Variants in TMEM132D observed in about 807,000 individuals in gnomAD.
TMEM132D encodes the protein mature OL transmembrane protein.
TMEM132D carries 21 observed loss-of-function variants against 62.3 expected under a neutral mutation model. The ratio of observed to expected loss-of-function variants is 0.34; its 90% CI spans 0.24 to 0.49. The LOEUF (loss-of-function observed/expected upper bound fraction) is 0.49. TMEM132D is among the 20% of genes least tolerant of loss of function. The probability of loss-of-function intolerance (pLI) is 0.99; values close to 1 mark genes in which losing one functional copy is unlikely to be tolerated. For missense variants in TMEM132D, 1,346 were observed against 1,402.8 expected (o/e 0.96, Z 0.65); for synonymous variants, 621 against 575.6 (o/e 1.08, Z -1.13).
intron 2 of TMEM132D, among the ~76,000 whole-genome samples, chr12:129,581,169 T>C (rs1252532916): frequency 6.6e-6 from 1 of 152,288 alleles, no homozygotes; most frequent in Non-Finnish European, 1.5e-5. Context: ...TTTCTCTTGC[T>C]TCCTCTCTTG....
At chr12:129,895,967 T>G (rs920937813) in intron 1 of TMEM132D, among the ~76,000 whole-genome samples, 2 of 148,716 alleles carry the variant, frequency 1.3e-5, no homozygotes, top group African/African-American at 4.9e-5. Flanking sequence ...GTCTCTCTTT[T>G]TTTTTTTTTT....
intron 4 of TMEM132D, among the ~76,000 whole-genome samples, chr12:129,233,301 GAATGA>G: frequency 6.6e-6 from 1 of 152,304 alleles, no homozygotes; most frequent in East Asian, 1.9e-4. Context: ...TTGAGTGAAT[GAATGA>G]ATGAATGAAT....
rs774135505 is a variant in TMEM132D, at chr12:129,747,204, T to TCCC, written c.80-46507_80-46506insGGG. On this transcript the variant is annotated intron_variant, in intron 1 of 8. Transcript: ENST00000422113. ...TCCTTCTCCCTCCTCCCTCTCCTTCTTACTCCTCCTTCCAGCCACCCTGTC... is the reference window on the plus strand; with the variant it reads ...TCCTTCTCCCTCCTCCCTCTCCTTCTCCCTACTCCTCCTTCCAGCCACCCTGTC... 9.1e-3 allele frequency among the ~76,000 whole-genome samples: 891 copies of TCCC among 97,968 alleles called. 3 individuals are homozygous for TCCC. The highest frequency in any genetic ancestry group is 0.021 in the South Asian group (48 of 2,278). 64.3% of individuals were successfully genotyped at this position (97,968 alleles called of 152,430 possible). A position where few individuals can be genotyped will look rare whatever the true frequency, so the allele number is the denominator to read the frequency against.
chr12:129,416,628 G>A (rs1593371153), intron 3 of TMEM132D, among the ~76,000 whole-genome samples: 2 of 152,286 alleles, frequency 1.3e-5, no homozygotes, highest in South Asian at 2.1e-4. Context: ...CTTGTCTTGT[G>A]CCGGTTTTCA....
At chr12:129,610,959 A>G (rs1878759849) in intron 2 of TMEM132D, among the ~76,000 whole-genome samples, 1 of 152,202 alleles carries the variant, frequency 6.6e-6, no homozygotes, top group Admixed American at 6.5e-5. Context: ...GGAAGCGTGC[A>G]TTCACCTAGA....
chr12:129,610,843 T>C (rs896551461), intron 2 of TMEM132D, among the ~76,000 whole-genome samples: 7 of 152,194 alleles, frequency 4.6e-5, no homozygotes, highest in Non-Finnish European at 8.8e-5. Context: ...TCGCAGGGAT[T>C]TACAGGGCAA....
chr12:129,259,160 C>T (rs527279277), intron 4 of TMEM132D, among the ~76,000 whole-genome samples: 32 of 152,274 alleles, frequency 2.1e-4, no homozygotes, highest in Non-Finnish European at 4.0e-4. Context: ...GGCTCCTGAA[C>T]ATTGCGAGTC....
chr12:129,386,018 CTGA>C (rs1871096847), intron 3 of TMEM132D, among the ~76,000 whole-genome samples: 1 of 152,196 alleles, frequency 6.6e-6, no homozygotes, highest in Non-Finnish European at 1.5e-5. Context: ...GCTCCTGTCT[CTGA>C]TTTGTCTTTA....
chr12:129,666,919 G>T (rs1378808382), intron 2 of TMEM132D, among the ~76,000 whole-genome samples: 2 of 152,126 alleles, frequency 1.3e-5, no homozygotes, highest in African/African-American at 4.8e-5. Flanking sequence ...AGTTCAGAGG[G>T]TTTTAAAGAT....
intron 2 of TMEM132D, among the ~76,000 whole-genome samples, chr12:129,589,525 C>T (rs1055919693): frequency 1.3e-5 from 2 of 152,208 alleles, no homozygotes; most frequent in East Asian, 3.9e-4. Context: ...GTATTCACTT[C>T]CAGCTGTCCT....
intron 1 of TMEM132D, among the ~76,000 whole-genome samples, chr12:129,755,528 G>A (rs1309187578): frequency 6.6e-6 from 1 of 152,122 alleles, no homozygotes; most frequent in Non-Finnish European, 1.5e-5. Flanking sequence ...CGCTCATCAG[G>A]GTCTGGTGGT....
intron 4 of TMEM132D, among the ~76,000 whole-genome samples, chr12:129,333,334 C>G (rs1869172058): frequency 6.6e-6 from 1 of 152,116 alleles, no homozygotes; most frequent in Non-Finnish European, 1.5e-5. Flanking sequence ...GAATTTATTT[C>G]TAAAAGTTGA....
chr12:129,273,557 C>T (rs796770040), intron 4 of TMEM132D, among the ~76,000 whole-genome samples: 6 of 151,796 alleles, frequency 4.0e-5, no homozygotes, highest in African/African-American at 1.5e-4. Context: ...AAAATGTGGT[C>T]CATACGCACA....
intron 3 of TMEM132D, among the ~76,000 whole-genome samples, chr12:129,384,121 A>T (rs1268794321): frequency 6.6e-6 from 1 of 152,264 alleles, no homozygotes; most frequent in Non-Finnish European, 1.5e-5. Context: ...CATCACGAGC[A>T]AAGAGAAGTT....
intron 1 of TMEM132D, among the ~76,000 whole-genome samples, chr12:129,884,125 T>G (rs1028352623): frequency 1.3e-5 from 2 of 152,032 alleles, no homozygotes; most frequent in African/African-American, 4.8e-5. Context: ...AGAGACGGAG[T>G]CTCACTATGT....
chr12:129,203,726 C>T (rs1041119264), intron 5 of TMEM132D, among the ~76,000 whole-genome samples: 8 of 152,230 alleles, frequency 5.3e-5, no homozygotes, highest in African/African-American at 1.7e-4. Flanking sequence ...ACACAGCAGT[C>T]CTGTTTCTGC....
At chr12:129,099,486 C>A (rs140554213) in intron 5 of TMEM132D, among the ~76,000 whole-genome samples, 1 of 152,328 alleles carries the variant, frequency 6.6e-6, no homozygotes, top group African/African-American at 2.4e-5. Context: ...TCCTGGAACA[C>A]TAGCCCTTCA....
chr12:129,866,717 C>A (rs1483205589), intron 1 of TMEM132D, among the ~76,000 whole-genome samples: 1 of 152,074 alleles, frequency 6.6e-6, no homozygotes, highest in Non-Finnish European at 1.5e-5. Flanking sequence ...TACGTAGGCT[C>A]TTCGAGATAT....
At chr12:129,234,442 T>G (rs1170659062) in intron 4 of TMEM132D, among the ~76,000 whole-genome samples, 1 of 152,192 alleles carries the variant, frequency 6.6e-6, no homozygotes, top group Non-Finnish European at 1.5e-5. Flanking sequence ...CCAGGAGAAT[T>G]TATGTTAATG....
Sources: gnomAD v4.1 joint callset for allele counts (sites outside exome capture counted in the v4.1 genomes callset) on GRCh38, gnomAD v4.1.1 for gene constraint, MANE v1.5 for transcripts, NCBI Gene and HGNC (gene_info 2026-07-23, HGNC 2026-07-21) for gene names.